The following ZNF160 variants were observed in gnomAD, a reference collection of about 807,000 sequenced individuals.
ZNF160 encodes the protein zinc finger protein 160, also known as KRAB zinc finger protein KR18.
Under a neutral mutation model 13.1 loss-of-function variants are expected in ZNF160, and 9 were observed. The observed-to-expected ratio is 0.69, with a 90% CI of 0.41 to 1.20. The LOEUF is 1.20. Among genes scored for constraint, ZNF160 ranks in the 50% most tolerant of loss-of-function variants. ZNF160 has a pLI of 0.01. For synonymous variants in ZNF160, 293 were observed against 333.2 expected (o/e 0.88, Z 1.31); for missense variants, 838 against 988.0 (o/e 0.85, Z 2.04).
At chr19:53,086,403 C>T (rs1422209297) in intron 2 of ZNF160, 82 bp from the exon 3 acceptor site, 1 of 1,220,536 alleles carries the variant, frequency 8.2e-7, no homozygotes, top group Non-Finnish European at 1.1e-6. Context: ...CTATACATCC[C>T]CTTCATGTGC....
Position 53,069,168 on chromosome 19 carries a change from T to G in ZNF160, c.1366A>C (p.Asn456His). 6.2e-7 allele frequency: 1 copy of G among 1,614,210 alleles called. No individual in the cohort carries two copies. Among genetic ancestry groups the G allele is most frequent in the East Asian group, 2.2e-5 (1 of 44,886 alleles). ...ATACTGAAGGCTTTGCCACATTCATTACACTTGTAAGGTTTCTCACCAGTA... is the reference window on the plus strand; with the variant it reads ...ATACTGAAGGCTTTGCCACATTCATGACACTTGTAAGGTTTCTCACCAGTA... ...VHTGEKPYKC[N>H]ECGKAFSMHS... is the part of the protein sequence containing the mutation. Residue 456 changes from asparagine (N) to histidine (H), a missense_variant, in exon 6 of 6, where the codon AAT becomes CAT. Asn to His is a moderately conservative substitution (Grantham distance 68). This residue lies in a region of ZNF160 where 400 missense variants were observed against 538.9 expected (regional missense o/e 0.74). Transcript: ENST00000683776. This position sits in a 1 kb window ranked among gnomAD's most constrained non-coding sequence, Gnocchi z 4.4.
At chr19:53,078,054 A>G (rs916099802) in intron 3 of ZNF160, among the ~76,000 whole-genome samples, 1 of 152,162 alleles carries the variant, frequency 6.6e-6, no homozygotes, top group East Asian at 1.9e-4. Flanking sequence ...AGCCTGGCCA[A>G]CATGATGAAA....
intron 3 of ZNF160, among the ~76,000 whole-genome samples, chr19:53,082,022 G>A (rs167917): frequency 0.9 from 137,650 of 152,240 alleles, 62,466 homozygotes; most frequent in African/African-American, 0.97. Flanking sequence ...ACAAATAGAA[G>A]AACAAATACC....
intron 4 of ZNF160, 135 bp from the exon 5 acceptor site, chr19:53,074,403 C>G: frequency 7.1e-7 from 1 of 1,407,256 alleles, no homozygotes; most frequent in Non-Finnish European, 9.3e-7. Context: ...CGCGGTGGCT[C>G]ATGCCTGTAA....
rs1319062642 is a variant in ZNF160 at position 53,067,978 on chromosome 19, T to C, written c.*99A>G. 6.8e-7 allele frequency: 1 copy of C among 1,472,914 alleles called. No individual in the cohort carries two copies. The highest frequency in any genetic ancestry group is 1.4e-5 in the South Asian group (1 of 73,030). The allele number at this position is 1,472,914 out of a possible 1,614,324, so 91.2% of individuals were successfully genotyped here. A position where few individuals can be genotyped will look rare whatever the true frequency, so the allele number is the denominator to read the frequency against. ...TCATATCTATTAATGCTTCAACTCA[T>C]GAGGGATTGGCCACTGTCACTACAT... On this transcript the variant is annotated 3_prime_UTR_variant, in exon 6 of 6. Transcript: ENST00000683776.
chr19:53,094,860 T>C (rs1247438373), intron 1 of ZNF160, among the ~76,000 whole-genome samples: 4 of 152,120 alleles, frequency 2.6e-5, no homozygotes, highest in Admixed American at 1.3e-4. Flanking sequence ...AAGGCTGACA[T>C]AGCAGAAAAT....
At chr19:53,096,040 A>G (rs147540912) in intron 1 of ZNF160, among the ~76,000 whole-genome samples, 20 of 152,208 alleles carry the variant, frequency 1.3e-4, no homozygotes, top group African/African-American at 4.3e-4. Context: ...AACATGGTAA[A>G]ACCCTGTCTC....
At chr19:53,089,922 G>C (rs936382012) in intron 2 of ZNF160, among the ~76,000 whole-genome samples, 1 of 150,736 alleles carries the variant, frequency 6.6e-6, no homozygotes, top group Admixed American at 6.6e-5. Flanking sequence ...TCTTCCCCCT[G>C]TTCTGCTCCA....
At chr19:53,073,780 C>T (rs2084273823) in intron 5 of ZNF160, among the ~76,000 whole-genome samples, 1 of 149,512 alleles carries the variant, frequency 6.7e-6, no homozygotes, top group Admixed American at 6.7e-5. Context: ...GAGAGTTTCC[C>T]ACTTTATTTA....
intron 3 of ZNF160, chr19:53,086,028 G>T: frequency 1.4e-6 from 2 of 1,423,582 alleles, no homozygotes; most frequent in Non-Finnish European, 1.9e-6. Context: ...CTCCATCCAT[G>T]TCTGGGTGTG....
chr19:53,084,095 G>A (rs1245479703), intron 3 of ZNF160, among the ~76,000 whole-genome samples: 1 of 151,824 alleles, frequency 6.6e-6, no homozygotes, highest in Non-Finnish European at 1.5e-5. Flanking sequence ...AGGTTACCTC[G>A]AGAAACAGCA....
At chr19:53,073,890 AT>A (rs2084278530) in intron 5 of ZNF160, among the ~76,000 whole-genome samples, 1 of 151,978 alleles carries the variant, frequency 6.6e-6, no homozygotes, top group African/African-American at 2.4e-5. Context: ...GGTTCAAGCA[AT>A]TCTCTTGCCT....
chr19:53,088,664 A>C (rs2145858818), intron 2 of ZNF160, among the ~76,000 whole-genome samples: 1 of 152,306 alleles, frequency 6.6e-6, no homozygotes, highest in East Asian at 1.9e-4. Flanking sequence ...TAGAAGAAAA[A>C]AAGGCTTTAT....
At chr19:53,099,936 C>T (rs768890122) in intron 1 of ZNF160, among the ~76,000 whole-genome samples, 6 of 152,200 alleles carry the variant, frequency 3.9e-5, no homozygotes, top group Non-Finnish European at 8.8e-5. Context: ...CTTTCTCACG[C>T]CTCCCCTGGA....
chr19:53,069,423 A>T lies in ZNF160; in HGVS notation c.1111T>A (p.Cys371Ser). 6.2e-7 allele frequency: 1 copy of T among 1,614,122 alleles called. No individual in the cohort carries two copies. The highest frequency in any genetic ancestry group is 8.5e-7 in the Non-Finnish European group (1 of 1,180,024). The part of the protein sequence containing the change: ...LIHTGEKPFK[C>S]NECGKLFTQN... ...GTGAAGAGCTTGCCACATTCATTAC[A>T]TTTGAACGGTTTTTCTCCAGTATGA... Residue 371 changes from cysteine to serine, a missense_variant, in exon 6 of 6, where the codon TGT becomes AGT. Coordinates refer to ENST00000683776, the MANE Select transcript of ZNF160 (RefSeq NM_001322131.2). The surrounding 1 kb of genome is among the most constrained non-coding windows in gnomAD (Gnocchi z 4.4).
At chr19:53,076,726 A>G (rs2084406206) in intron 3 of ZNF160, among the ~76,000 whole-genome samples, 1 of 152,208 alleles carries the variant, frequency 6.6e-6, no homozygotes, top group South Asian at 2.1e-4. Context: ...CACAGATTTA[A>G]TAACACTACA....
chr19:53,071,104 G>A (rs947446177), intron 5 of ZNF160, among the ~76,000 whole-genome samples: 2 of 152,152 alleles, frequency 1.3e-5, no homozygotes, highest in African/African-American at 4.8e-5. Flanking sequence ...GCTGAGGCAG[G>A]AGAATTGCTT....
Position 53,068,633 on chromosome 19 carries a change from G to C in ZNF160, c.1901C>G (p.Ser634Ter). ...AATTCGCCGATGAGTTGCAAGGTAT[G>C]AATTGTGCCTAAAAACCTTGCCGCA... Reference protein sequence around the residue: ...HECGKVFRHNSYLATHRRIHT... With the variant: ...HECGKVFRHN Residue 634 changes from serine (S) to a stop codon, truncating the protein, a stop_gained, in exon 6 of 6, where the codon TCA (serine) becomes TGA (stop). Transcript: ENST00000683776. LOFTEE classifies it low-confidence loss of function (END_TRUNC). 5 of 1,613,954 alleles carry C rather than the reference G, an allele frequency of 3.1e-6. No individual in the cohort carries two copies. Among genetic ancestry groups the C allele is most frequent in the Non-Finnish European group, 4.2e-6 (5 of 1,179,986 alleles).
In ZNF160 at chr19:53,069,798, G is replaced by A; in HGVS notation, c.736C>T (p.Gln246Ter). The A allele has an allele frequency of 6.2e-7, 1 of 1,614,154 alleles. No homozygotes were observed. Among genetic ancestry groups the A allele is most frequent in the Non-Finnish European group, 8.5e-7 (1 of 1,180,032 alleles). ...CCACAACTGTTTGCTTTTCGTCTTT[G>A]TGTGAGTAATGAAAAATGGTTAAGT... ...HELNHFSLLTQRRKANSCGKP... is the reference protein window; with the variant it reads ...HELNHFSLLT Residue 246 changes from glutamine (Q) to a stop codon, truncating the protein, a stop_gained, in exon 6 of 6, where the codon CAA becomes TAA. Coordinates refer to ENST00000683776, the MANE Select transcript of ZNF160 (RefSeq NM_001322131.2). LOFTEE classifies it low-confidence loss of function (END_TRUNC). The surrounding 1 kb of genome is among the most constrained non-coding windows in gnomAD (Gnocchi z 4.4).
Sources: gnomAD v4.1 joint callset for allele counts (sites outside exome capture counted in the v4.1 genomes callset) on GRCh38, gnomAD v4.1.1 for gene constraint, gnomAD v4.1.1 regional missense constraint, Gnocchi (gnomAD v3.1) non-coding constraint, MANE v1.5 for transcripts, NCBI Gene and HGNC (gene_info 2026-07-23, HGNC 2026-07-21) for gene names.